DCAF8L2: variants seen among roughly 807,000 people sequenced by gnomAD.
The protein encoded by DCAF8L2 is DDB1 and CUL4 associated factor 8 like 2, also known as DDB1- and CUL4-associated factor 8-like protein 2.
For missense variants in DCAF8L2, 430 were observed against 490.7 expected (o/e 0.88, Z 1.17); for synonymous variants, 200 against 190.9 (o/e 1.05, Z -0.39).
intron 4 of DCAF8L2, among the ~76,000 whole-genome samples, chrX:27,742,142 T>C (rs749318697): frequency 7.1e-4 from 80 of 111,976 alleles, no homozygotes; most frequent in African/African-American, 2.4e-3. Context: ...CTTGCCACCT[T>C]TTTTAGAGGG....
intron 2 of DCAF8L2, among the ~76,000 whole-genome samples, chrX:27,651,375 T>A (rs1039784414): frequency 9.0e-6 from 1 of 111,380 alleles, no homozygotes; most frequent in African/African-American, 3.3e-5. Flanking sequence ...TTTTCATTAT[T>A]TTTACAAACT....
the DCAF8L2 span, among the ~76,000 whole-genome samples, chrX:27,494,774 C>A: frequency 2.7e-5 from 3 of 112,008 alleles, no homozygotes; most frequent in Admixed American, 2.9e-4. Flanking sequence ...CCTTTACATA[C>A]AGTTTTAGTT....
chrX:27,618,925 A>G lies in DCAF8L2; in HGVS notation c.-341-12954A>G, dbSNP rs1381638893. ...AGACTATGCAAAATGTATGGCCTTT[A>G]TGTTTCAATTTTTTTATAATTAAGC... On this transcript the variant is annotated intron_variant, in intron 1 of 4. Transcript: ENST00000451261. 2.7e-5 allele frequency among the ~76,000 whole-genome samples: 3 copies of G among 110,545 alleles called. No homozygotes were observed. In the East Asian group the frequency reaches 8.5e-4, roughly 31 times the overall value.
intron 2 of DCAF8L2, among the ~76,000 whole-genome samples, chrX:27,673,461 T>C (rs556111716): frequency 1.6e-3 from 148 of 95,128 alleles, no homozygotes; most frequent in African/African-American, 5.4e-3. Flanking sequence ...TGAGCCGAGA[T>C]AGTGCCACTG....
In DCAF8L2 at chrX:27,748,519, C is replaced by T; in HGVS notation, c.1624C>T (p.Pro542Ser). The change falls in exon 5 of 5, where the codon CCC becomes TCC. Residue 542 changes from proline to serine, a missense_variant. Transcript: ENST00000451261. The part of the protein sequence containing the change: ...GLDHDVKIWT[P>S]TAKAATELTG... ...AGATCATGATGTCAAGATCTGGACA[C>T]CCACAGCTAAAGCTGCCACTGAGCT... is the stretch of plus-strand genomic sequence containing the variant. 3 of 1,211,259 alleles carry T rather than the reference C, an allele frequency of 2.5e-6. No individual in the cohort carries two copies. In the African/African-American group the frequency reaches 5.2e-5, roughly 21 times the overall value.
chrX:27,655,864 A>G (rs1246287400), intron 2 of DCAF8L2, among the ~76,000 whole-genome samples: 1 of 111,235 alleles, frequency 9.0e-6, no homozygotes, highest in East Asian at 2.8e-4. Flanking sequence ...TGCTTTTAAA[A>G]CTTCAAATTT....
At chrX:27,597,807 G>T (rs1202360246) in intron 1 of DCAF8L2, among the ~76,000 whole-genome samples, 2 of 112,295 alleles carry the variant, frequency 1.8e-5, no homozygotes, top group East Asian at 5.6e-4. Flanking sequence ...GACATTTACA[G>T]CCACGCTACT....
chrX:27,511,613 A>G, the DCAF8L2 span, among the ~76,000 whole-genome samples: 10 of 112,435 alleles, frequency 8.9e-5, no homozygotes, highest in East Asian at 2.5e-3. Context: ...CCTTCTATTC[A>G]AGATCTGAAC....
At chrX:27,704,685 A>G (rs4539029) in intron 3 of DCAF8L2, among the ~76,000 whole-genome samples, 56,028 of 110,088 alleles carry the variant, frequency 0.51, 10,736 homozygotes, top group African/African-American at 0.66. Context: ...AAGTGACTAT[A>G]GAAGATGATG....
At chrX:27,673,917 C>A (rs1239230195) in intron 2 of DCAF8L2, among the ~76,000 whole-genome samples, 2 of 110,933 alleles carry the variant, frequency 1.8e-5, no homozygotes, top group Non-Finnish European at 3.8e-5. Context: ...TTTGAAATAC[C>A]AGACCAGGCA....
chrX:27,497,325 T>C, the DCAF8L2 span, among the ~76,000 whole-genome samples: 3 of 111,437 alleles, frequency 2.7e-5, no homozygotes, highest in Admixed American at 9.5e-5. Context: ...TAAAATAAAC[T>C]GTACCTTCTT....
chrX:27,518,285 G>A, the DCAF8L2 span: 43 of 968,239 alleles, frequency 4.4e-5, no homozygotes, highest in East Asian at 6.1e-5. Context: ...CTACCCCAGC[G>A]TGTTTATTGG....
chrX:27,498,212 A>G, the DCAF8L2 span, among the ~76,000 whole-genome samples: 10 of 112,399 alleles, frequency 8.9e-5, no homozygotes, highest in African/African-American at 2.9e-4. Flanking sequence ...TTACTTGATC[A>G]TGTAGTAGTT....
the DCAF8L2 span, among the ~76,000 whole-genome samples, chrX:27,533,240 GAAAGAA>G: frequency 2.2e-5 from 2 of 92,592 alleles, no homozygotes; most frequent in Non-Finnish European, 4.4e-5. Flanking sequence ...GAAAGAGAAA[GAAAGAA>G]AGAAAGAAAG....
chrX:27,619,380 T>C (rs1193188127), intron 1 of DCAF8L2, among the ~76,000 whole-genome samples: 3 of 109,287 alleles, frequency 2.7e-5, no homozygotes. Flanking sequence ...AAATAATAGA[T>C]AGATAGATAG....
At chrX:27,665,216 C>T (rs1164725598) in intron 2 of DCAF8L2, among the ~76,000 whole-genome samples, 1 of 109,706 alleles carries the variant, frequency 9.1e-6, no homozygotes, top group East Asian at 2.9e-4. Flanking sequence ...TTAAAAATAT[C>T]AATATTACCA....
At chrX:27,469,778 C>CT in the DCAF8L2 span, among the ~76,000 whole-genome samples, 240 of 100,897 alleles carry the variant, frequency 2.4e-3, 1 homozygote, top group Admixed American at 6.7e-3. Context: ...ATCATTTTCT[C>CT]TTTTTTTTTT....
intron 4 of DCAF8L2, among the ~76,000 whole-genome samples, chrX:27,743,808 C>A (rs907723305): frequency 9.2e-6 from 1 of 108,336 alleles, no homozygotes; most frequent in Non-Finnish European, 1.9e-5. Context: ...TCTCAGCTCA[C>A]TGCAACCTCC....
intron 4 of DCAF8L2, among the ~76,000 whole-genome samples, chrX:27,735,956 A>G (rs1366054166): frequency 8.9e-6 from 1 of 112,100 alleles, no homozygotes; most frequent in Non-Finnish European, 1.9e-5. Flanking sequence ...AACAAATACT[A>G]AAATATTAAA....
Sources: allele counts gnomAD v4.1 joint callset (sites outside exome capture counted in the v4.1 genomes callset), GRCh38; gene constraint gnomAD v4.1.1; transcripts MANE v1.5; gene names NCBI Gene and HGNC (gene_info 2026-07-23, HGNC 2026-07-21).